CPQ: variants seen among roughly 807,000 people sequenced by gnomAD.
CPQ encodes the protein Ser-Met dipeptidase.
A neutral mutation model predicts 45.7 loss-of-function variants in CPQ; 37 were observed. The ratio of observed to expected loss-of-function variants is 0.81; its 90% CI spans 0.62 to 1.07. CPQ has a LOEUF of 1.07. Among genes scored for constraint, CPQ ranks in the 50% least tolerant of loss-of-function variants. The probability of loss-of-function intolerance (pLI) is 0.00; values close to 1 mark genes in which losing one functional copy is unlikely to be tolerated. For missense variants in CPQ, 537 were observed against 572.9 expected, an observed-to-expected ratio of 0.94 and a Z score of 0.64; for synonymous variants, 186 against 205.8, an observed-to-expected ratio of 0.90 and a Z score of 0.82.
At chr8:97,038,911 T>C (rs1810055475) in intron 6 of CPQ, among the ~76,000 whole-genome samples, 1 of 152,102 alleles carries the variant, frequency 6.6e-6, no homozygotes, top group South Asian at 2.1e-4. Context: ...GGCAGAAGTT[T>C]AGAAAACTTT....
At chr8:97,013,890 G>T (rs150976651) in intron 5 of CPQ, among the ~76,000 whole-genome samples, 254 of 152,282 alleles carry the variant, frequency 1.7e-3, no homozygotes, top group African/African-American at 5.8e-3. Flanking sequence ...TATAGAAAAA[G>T]AAATATATTT....
chr8:96,656,110 T>C (rs1474053071), intron 1 of CPQ, among the ~76,000 whole-genome samples: 1 of 152,194 alleles, frequency 6.6e-6, no homozygotes, highest in Non-Finnish European at 1.5e-5. Flanking sequence ...TACCTTGGCC[T>C]CCCAAAATGC....
At chr8:97,062,645 G>A (rs1810570707) in intron 6 of CPQ, among the ~76,000 whole-genome samples, 1 of 151,854 alleles carries the variant, frequency 6.6e-6, no homozygotes, top group South Asian at 2.1e-4. Context: ...CCTCTGGTAG[G>A]TTCCAGTGTG....
At chr8:96,694,626 T>C (rs998775710) in intron 1 of CPQ, among the ~76,000 whole-genome samples, 2 of 152,084 alleles carry the variant, frequency 1.3e-5, no homozygotes, top group Admixed American at 6.6e-5. Context: ...AGAGGAACTT[T>C]GGAAACAACA....
chr8:97,079,255 C>G (rs1179705831), intron 7 of CPQ, among the ~76,000 whole-genome samples: 1 of 152,032 alleles, frequency 6.6e-6, no homozygotes, highest in East Asian at 1.9e-4. Flanking sequence ...ATAGTTAGAT[C>G]CTCAGGATAC....
intron 5 of CPQ, among the ~76,000 whole-genome samples, chr8:96,999,155 G>A (rs1365675127): frequency 1.3e-5 from 2 of 151,690 alleles, no homozygotes; most frequent in South Asian, 2.1e-4. Context: ...TAGCAAGTAT[G>A]TTAAGTGGTG....
intron 7 of CPQ, among the ~76,000 whole-genome samples, chr8:97,116,687 T>TAA (rs1414792281): frequency 1.3e-5 from 2 of 152,216 alleles, no homozygotes; most frequent in African/African-American, 4.8e-5. Flanking sequence ...GCAGGAACAT[T>TAA]AACTCCATCT....
Position 97,143,147 on chromosome 8 carries a change from T to TA in CPQ, c.1383_1384insA (p.Val462SerfsTer10), listed in dbSNP as rs1812196222. 3 of 1,613,960 alleles carry TA rather than the reference T, an allele frequency of 1.9e-6. No homozygotes were observed. The highest frequency in any genetic ancestry group is 8.5e-7 in the Non-Finnish European group (1 of 1,179,962). On this transcript the variant is annotated frameshift_variant, in exon 8 of 8. Coordinates refer to ENST00000220763, the MANE Select transcript of CPQ (RefSeq NM_016134.4). LOFTEE classifies it high-confidence loss of function. The stretch of plus-strand genomic sequence containing the variant: ...CTGTTTGGGCTGTTGTTTCTTATGT[T>TA]GTTGCAGACATGGAAGAAATGCTGC...
chr8:97,097,502 T>C (rs1304472262), intron 7 of CPQ, among the ~76,000 whole-genome samples: 3 of 152,200 alleles, frequency 2.0e-5, no homozygotes. Flanking sequence ...CTACTCTCTG[T>C]CAAGAATAAG....
chr8:96,965,322 C>A (rs986379329), intron 4 of CPQ, among the ~76,000 whole-genome samples: 3 of 151,206 alleles, frequency 2.0e-5, no homozygotes, highest in Non-Finnish European at 4.4e-5. Context: ...AGGTTTTAAG[C>A]CATATAATAA....
chr8:97,133,786 T>C (rs978451434), intron 7 of CPQ, among the ~76,000 whole-genome samples: 2 of 152,208 alleles, frequency 1.3e-5, no homozygotes, highest in Non-Finnish European at 2.9e-5. Context: ...ATCTGGGACC[T>C]TTAATCAACA....
chr8:96,830,215 A>G (rs1811435802), intron 2 of CPQ, among the ~76,000 whole-genome samples: 1 of 152,188 alleles, frequency 6.6e-6, no homozygotes, highest in Non-Finnish European at 1.5e-5. Flanking sequence ...TCAATTTTCT[A>G]AAACATACCA....
At chr8:97,028,948 T>C (rs1051301361) in intron 5 of CPQ, among the ~76,000 whole-genome samples, 1 of 152,228 alleles carries the variant, frequency 6.6e-6, no homozygotes, top group African/African-American at 2.4e-5. Flanking sequence ...CTAGCTATGC[T>C]TGTATATTCA....
At chr8:96,919,759 T>C (rs1336517301) in intron 4 of CPQ, among the ~76,000 whole-genome samples, 4 of 152,176 alleles carry the variant, frequency 2.6e-5, no homozygotes, top group African/African-American at 9.7e-5. Flanking sequence ...AAATTTTATT[T>C]CTGTGCAGAT....
intron 7 of CPQ, among the ~76,000 whole-genome samples, chr8:97,131,406 A>T: frequency 6.6e-6 from 1 of 152,214 alleles, no homozygotes; most frequent in East Asian, 1.9e-4. Flanking sequence ...TCTGAACATG[A>T]TACATATTAT....
At chr8:96,959,415 C>G (rs1813412820) in intron 4 of CPQ, among the ~76,000 whole-genome samples, 1 of 152,114 alleles carries the variant, frequency 6.6e-6, no homozygotes, top group Non-Finnish European at 1.5e-5. Context: ...TCTAAGGCCT[C>G]AGAATGTAGT....
At chr8:96,795,675 TTAATA>T (rs1223003268) in intron 2 of CPQ, among the ~76,000 whole-genome samples, 1 of 152,176 alleles carries the variant, frequency 6.6e-6, no homozygotes, top group Non-Finnish European at 1.5e-5. Context: ...TATGCAATAA[TTAATA>T]TAATGCCTTG....
chr8:96,988,070 A>T (rs1442238500), intron 5 of CPQ, among the ~76,000 whole-genome samples: 1 of 152,202 alleles, frequency 6.6e-6, no homozygotes, highest in East Asian at 1.9e-4. Flanking sequence ...CAAAGAATTC[A>T]GACACTTTTT....
intron 1 of CPQ, among the ~76,000 whole-genome samples, chr8:96,657,024 T>C (rs1815645869): frequency 6.6e-6 from 1 of 152,066 alleles, no homozygotes; most frequent in Non-Finnish European, 1.5e-5. Flanking sequence ...GTTACCTTTT[T>C]TTTTTTTTTA....
Sources: allele counts gnomAD v4.1 joint callset (sites outside exome capture counted in the v4.1 genomes callset), GRCh38; gene constraint gnomAD v4.1.1; transcripts MANE v1.5; gene names NCBI Gene and HGNC (gene_info 2026-07-23, HGNC 2026-07-21).